The following PEX5L variants were observed in gnomAD, a reference collection of about 807,000 sequenced individuals.
The protein encoded by PEX5L is peroxisomal biogenesis factor 5 like.
PEX5L carries 30 observed loss-of-function variants against 84.0 expected under a neutral mutation model. The ratio of observed to expected loss-of-function variants is 0.36; its 90% CI spans 0.27 to 0.48. The LOEUF is 0.48. PEX5L is among the 20% of genes least tolerant of loss of function. The pLI, the probability that PEX5L is intolerant of heterozygous loss-of-function variation, is 0.99. For missense variants in PEX5L, 533 were observed against 754.6 expected (o/e 0.71, Z 3.44); for synonymous variants, 270 against 283.1 (o/e 0.95, Z 0.46).
intron 8 of PEX5L, among the ~76,000 whole-genome samples, chr3:179,823,068 C>CA (rs1363737455): frequency 2.0e-5 from 3 of 151,830 alleles, no homozygotes; most frequent in African/African-American, 7.3e-5. Flanking sequence ...GGTAGGTGCT[C>CA]AAAAAAAGTA....
chr3:179,880,443 C>A (rs191574109), intron 4 of PEX5L, among the ~76,000 whole-genome samples: 3 of 152,308 alleles, frequency 2.0e-5, no homozygotes, highest in African/African-American at 7.2e-5. Flanking sequence ...TTTATTTATA[C>A]TGAAGGTTAT....
At chr3:179,981,515 T>C (rs1208211929) in intron 1 of PEX5L, among the ~76,000 whole-genome samples, 1 of 152,224 alleles carries the variant, frequency 6.6e-6, no homozygotes, top group East Asian at 1.9e-4. Context: ...TCACTTTGTG[T>C]ATCATGAGAT....
At chr3:179,966,512 A>G (rs1361110892) in intron 2 of PEX5L, among the ~76,000 whole-genome samples, 1 of 152,182 alleles carries the variant, frequency 6.6e-6, no homozygotes, top group Non-Finnish European at 1.5e-5. Context: ...CCTTTTTACT[A>G]TTTGTGAGTC....
At chr3:179,890,583 T>C (rs1757295423) in intron 3 of PEX5L, among the ~76,000 whole-genome samples, 1 of 152,186 alleles carries the variant, frequency 6.6e-6, no homozygotes, top group African/African-American at 2.4e-5. Context: ...TTTTGAGAAA[T>C]ATCAACGTTA....
intron 7 of PEX5L, among the ~76,000 whole-genome samples, chr3:179,863,941 G>A (rs1415502721): frequency 6.6e-6 from 1 of 152,074 alleles, no homozygotes; most frequent in Non-Finnish European, 1.5e-5. Context: ...GGTCTTTCCT[G>A]TGCTGCTCTT....
chr3:180,019,696 G>A (rs1441396841), intron 1 of PEX5L, among the ~76,000 whole-genome samples: 1 of 152,122 alleles, frequency 6.6e-6, no homozygotes, highest in Non-Finnish European at 1.5e-5. Context: ...AGAGATAAAA[G>A]GAAACAGAAA....
At chr3:179,850,112 T>C (rs1741206884) in intron 8 of PEX5L, among the ~76,000 whole-genome samples, 1 of 152,112 alleles carries the variant, frequency 6.6e-6, no homozygotes, top group Non-Finnish European at 1.5e-5. Context: ...TATCTAAGAC[T>C]ATCTTGCCTT....
At chr3:179,857,778 C>G (rs1744560616) in intron 8 of PEX5L, among the ~76,000 whole-genome samples, 1 of 152,182 alleles carries the variant, frequency 6.6e-6, no homozygotes, top group Admixed American at 6.5e-5. Context: ...TTTAAATTAG[C>G]TCTTAACTTT....
At chr3:179,996,918 T>C (rs1371609357) in intron 1 of PEX5L, among the ~76,000 whole-genome samples, 1 of 152,192 alleles carries the variant, frequency 6.6e-6, no homozygotes, top group East Asian at 1.9e-4. Context: ...GTGAAATTGA[T>C]AGGAAGTCTA....
intron 3 of PEX5L, among the ~76,000 whole-genome samples, chr3:179,890,190 A>G (rs911450108): frequency 2.6e-5 from 4 of 152,208 alleles, no homozygotes; most frequent in Non-Finnish European, 5.9e-5. Context: ...TCCTACTTTC[A>G]CAAACAATGC....
rs556735918 is a variant in PEX5L at position 179,858,937 on chromosome 3, A to G, written c.822+125T>C. 6.2e-6 allele frequency: 4 copies of G among 647,758 alleles called. No homozygotes were observed. The East Asian group carries it at 8.1e-5, about 13-fold the overall frequency. 40.1% of individuals were successfully genotyped at this position (647,758 alleles called of 1,614,324 possible). On this transcript the variant is annotated intron_variant, in intron 8 of 14. Transcript: ENST00000467460. ...AAATGATTGTCTCATTTTGACAATC[A>G]TAATCATGGCTATTTCATGTCTATA...
chr3:179,934,198 T>C (rs969480986), intron 2 of PEX5L, among the ~76,000 whole-genome samples: 1 of 152,132 alleles, frequency 6.6e-6, no homozygotes, highest in Admixed American at 6.5e-5. Flanking sequence ...GGATATCTTA[T>C]ATGTATTTTC....
At chr3:179,975,641 AT>A (rs1785686604) in intron 1 of PEX5L, among the ~76,000 whole-genome samples, 2 of 152,342 alleles carry the variant, frequency 1.3e-5, no homozygotes, top group South Asian at 4.1e-4. Context: ...CATATACAAT[AT>A]AAAATATAGC....
chr3:179,967,681 G>T (rs544106933), intron 2 of PEX5L, among the ~76,000 whole-genome samples: 1 of 63,904 alleles, frequency 1.6e-5, no homozygotes, highest in Non-Finnish European at 2.9e-5. Context: ...CCAGTTTTTA[G>T]ATCCCTGGGT....
intron 2 of PEX5L, among the ~76,000 whole-genome samples, chr3:179,929,795 C>A (rs1273782878): frequency 6.6e-6 from 1 of 152,202 alleles, no homozygotes; most frequent in Non-Finnish European, 1.5e-5. Context: ...TCTCCAGTGT[C>A]AGTCACTCTG....
At position 179,889,387 on chromosome 3, in the gene PEX5L, T is replaced by C. The variant is rs149647038; in HGVS notation, c.199-1603A>G. Among the ~76,000 whole-genome samples, 441 of 152,336 alleles carry C rather than the reference T, an allele frequency of 2.9e-3. 1 individual carries two copies. The highest frequency in any genetic ancestry group is 6.8e-3 in the Middle Eastern group (2 of 294). On this transcript the variant is annotated intron_variant, in intron 3 of 14. Transcript: ENST00000467460. ...GAGACACATTTAGTACTCATATGCA[T>C]GCTATTTAAAGATGGATAAATCTCA...
chr3:180,035,112 T>C lies in PEX5L; in HGVS notation c.21+1467A>G, dbSNP rs77446533. On this transcript the variant is annotated intron_variant, in intron 1 of 14. Transcript: ENST00000467460. ...TGTCAATTTTGTGTAAATGAACAAT[T>C]TTTTGAGGGTTGACTCTATTAAAAT... Among the ~76,000 whole-genome samples, 53 of 152,304 alleles carry C rather than the reference T, an allele frequency of 3.5e-4. 1 individual carries two copies. The East Asian group carries it at 9.4e-3, about 27-fold the overall frequency.
intron 3 of PEX5L, among the ~76,000 whole-genome samples, chr3:179,894,709 A>AATTAAATTAAT (rs1386189303): frequency 1.3e-5 from 2 of 152,126 alleles, no homozygotes; most frequent in African/African-American, 4.8e-5. Context: ...CAGAAACAAA[A>AATTAAATTAAT]ATTAAATTAA....
At chr3:179,943,158 T>C (rs1653405296) in intron 2 of PEX5L, among the ~76,000 whole-genome samples, 2 of 152,266 alleles carry the variant, frequency 1.3e-5, no homozygotes, top group Admixed American at 1.3e-4. Context: ...CTTACTTTCC[T>C]ATTTATGGTA....
Sources: allele counts gnomAD v4.1 joint callset (sites outside exome capture counted in the v4.1 genomes callset), GRCh38; gene constraint gnomAD v4.1.1; transcripts MANE v1.5; gene names NCBI Gene and HGNC (gene_info 2026-07-23, HGNC 2026-07-21).